The following PARP12 variants were observed in gnomAD, a reference collection of about 807,000 sequenced individuals.
The protein encoded by PARP12 is protein mono-ADP-ribosyltransferase PARP12.
PARP12 carries 59 observed loss-of-function variants against 72.4 expected under a neutral mutation model. The ratio of observed to expected loss-of-function variants is 0.81; its 90% CI spans 0.66 to 1.01. The LOEUF (loss-of-function observed/expected upper bound fraction) is 1.01, where lower values mean the gene tolerates loss of function less well. Ranked by LOEUF, PARP12 falls within the 50% of genes least tolerant of loss-of-function variation. PARP12 has a pLI of 0.00. For missense variants in PARP12, 851 were observed against 914.0 expected (o/e 0.93, Z 0.89); for synonymous variants, 403 against 371.4 (o/e 1.09, Z -0.98).
intron 11 of PARP12, chr7:140,025,304 C>T (rs1378887000): frequency 1.4e-5 from 4 of 291,464 alleles, no homozygotes; most frequent in Non-Finnish European, 2.7e-5. Context: ...TCTGGCAGCC[C>T]AATGTATAGA....
chr7:140,045,007 A>G (rs1054156544), intron 5 of PARP12, among the ~76,000 whole-genome samples: 5 of 152,078 alleles, frequency 3.3e-5, no homozygotes, highest in African/African-American at 1.2e-4. Flanking sequence ...TTATATCAGC[A>G]ATACATACAG....
intron 4 of PARP12, among the ~76,000 whole-genome samples, chr7:140,051,298 A>G (rs141029943): frequency 4.1e-4 from 63 of 152,350 alleles, no homozygotes; most frequent in African/African-American, 1.5e-3. Context: ...TAGTCCACCC[A>G]TAAAGAACCA....
chr7:140,024,456 T>C lies in PARP12; in HGVS notation c.*104A>G. On this transcript the variant is annotated 3_prime_UTR_variant, in exon 12 of 12. Transcript: ENST00000263549. ...CATAACTTCATTGAGAGGTCAATGT[T>C]AAGAGAACAGTTCATTAAAAGTTTC... The C allele has an allele frequency of 8.4e-7, 1 of 1,184,638 alleles. No homozygotes were observed. The highest frequency in any genetic ancestry group is 1.2e-6 in the Non-Finnish European group (1 of 814,240). 73.4% of individuals were successfully genotyped at this position (1,184,638 alleles called of 1,614,324 possible).
chr7:140,058,367 G>A lies in PARP12; in HGVS notation c.327-333C>T, dbSNP rs574096410. 1.2e-4 allele frequency among the ~76,000 whole-genome samples: 19 copies of A among 152,086 alleles called. No homozygotes were observed. In the South Asian group the frequency reaches 2.1e-3, roughly 17 times the overall value. On this transcript the variant is annotated intron_variant, in intron 1 of 11. Transcript: ENST00000263549. ...TCTACTAAAAATATAAAAAATTAGC[G>A]GGGCGTGGTGGTGAGCGCATGTAGT...
At chr7:140,043,873 A>T (rs776360471) in intron 5 of PARP12, among the ~76,000 whole-genome samples, 1 of 152,226 alleles carries the variant, frequency 6.6e-6, no homozygotes, top group Non-Finnish European at 1.5e-5. Context: ...AAATTTAAAA[A>T]TCATACTTCG....
At chr7:140,056,211 A>G (rs1267097839) in intron 3 of PARP12, among the ~76,000 whole-genome samples, 3 of 152,224 alleles carry the variant, frequency 2.0e-5, no homozygotes, top group African/African-American at 7.2e-5. Context: ...TCTCTGTTCA[A>G]AATCTGCCTG....
At chr7:140,037,323 C>CA (rs1220015078) in intron 7 of PARP12, among the ~76,000 whole-genome samples, 3 of 152,002 alleles carry the variant, frequency 2.0e-5, no homozygotes, top group South Asian at 2.1e-4. Flanking sequence ...GACTCCGTCT[C>CA]AAAAAAAAGA....
At position 140,026,180 on chromosome 7, in the gene PARP12, G is replaced by A. The variant is rs1390995554; in HGVS notation, c.1780+17C>T. The A allele has an allele frequency of 2.5e-6, 4 of 1,614,174 alleles. No homozygotes were observed. Among genetic ancestry groups the A allele is most frequent in the Admixed American group, 1.7e-5 (1 of 60,026 alleles). On this transcript the variant is annotated intron_variant, in intron 11 of 11. Transcript: ENST00000263549. The stretch of plus-strand genomic sequence containing the variant: ...AAGCAACATGGGTTTTGCTGGTGGA[G>A]GCCAGTCATGCCTTACCCTTGCCGT...
chr7:140,059,370 A>ACACG (rs1355041265), intron 1 of PARP12, among the ~76,000 whole-genome samples: 6 of 126,288 alleles, frequency 4.8e-5, no homozygotes, highest in African/African-American at 1.4e-4. Flanking sequence ...ATACACACAC[A>ACACG]CACACACACA....
chr7:140,028,877 T>G (rs1815835827), intron 8 of PARP12, 189 bp from the exon 9 acceptor site: 3 of 466,368 alleles, frequency 6.4e-6, no homozygotes, highest in South Asian at 6.2e-5. Context: ...TCTTTGCCTA[T>G]GTAGCCAAAC....
At chr7:140,042,820 GC>G (rs1378404953) in intron 5 of PARP12, among the ~76,000 whole-genome samples, 1 of 152,196 alleles carries the variant, frequency 6.6e-6, no homozygotes, top group Non-Finnish European at 1.5e-5. Context: ...AGAATTAGCT[GC>G]AAAGACCACC....
At chr7:140,055,188 T>C (rs571048333) in intron 3 of PARP12, among the ~76,000 whole-genome samples, 33 of 152,336 alleles carry the variant, frequency 2.2e-4, no homozygotes, top group African/African-American at 5.5e-4. Flanking sequence ...ATTCCTTCTA[T>C]GCCTAAGGTT....
At chr7:140,037,692 G>A (rs1285080439) in intron 7 of PARP12, 23 bp downstream of exon 7, 1 of 1,611,944 alleles carries the variant, frequency 6.2e-7, no homozygotes, top group East Asian at 2.2e-5. Flanking sequence ...GGCTCTGCTG[G>A]GCGAGGGCAG....
intron 4 of PARP12, among the ~76,000 whole-genome samples, chr7:140,053,024 AT>A (rs988834547): frequency 6.6e-6 from 1 of 152,228 alleles, no homozygotes; most frequent in Admixed American, 6.5e-5. Context: ...ATTATTATCT[AT>A]TTTGGAAGAC....
chr7:140,046,201 T>C (rs1816716490), intron 5 of PARP12, among the ~76,000 whole-genome samples: 1 of 152,242 alleles, frequency 6.6e-6, no homozygotes, highest in Non-Finnish European at 1.5e-5. Context: ...GTAATTGGTT[T>C]CACATACTTT....
intron 6 of PARP12, chr7:140,041,306 T>C (rs41275036): frequency 0.068 from 15,643 of 228,914 alleles, 930 homozygotes; most frequent in African/African-American, 0.19. Context: ...CTTGCACACA[T>C]AGGCACCAGC....
At chr7:140,039,060 AG>A (rs1816343125) in intron 6 of PARP12, among the ~76,000 whole-genome samples, 1 of 152,220 alleles carries the variant, frequency 6.6e-6, no homozygotes, top group South Asian at 2.1e-4. Context: ...TGGCCCCATG[AG>A]GACCATAAGG....
intron 8 of PARP12, chr7:140,033,986 G>C (rs1816043474): frequency 1.8e-6 from 2 of 1,104,086 alleles, no homozygotes; most frequent in South Asian, 6.3e-5. Context: ...TTCAGAGTCT[G>C]TCTTCTCCAG....
rs372248026 is a variant in PARP12 at position 140,028,698 on chromosome 7, T to G, written c.1422-10A>C. The G allele has an allele frequency of 6.3e-7, 1 of 1,592,926 alleles. No individual in the cohort carries two copies. The highest frequency in any genetic ancestry group is 8.6e-7 in the Non-Finnish European group (1 of 1,167,972). On this transcript the variant is annotated splice_polypyrimidine_tract_variant and intron_variant, in intron 8 of 11. Coordinates refer to ENST00000263549, the MANE Select transcript of PARP12 (RefSeq NM_022750.4). ...TGGAAACTTGGTATTGCTACAAAAA[T>G]GTAAACAAAAACACGTAGACATTTT...
Sources: gnomAD v4.1 joint callset for allele counts (sites outside exome capture counted in the v4.1 genomes callset) on GRCh38, gnomAD v4.1.1 for gene constraint, MANE v1.5 for transcripts, NCBI Gene and HGNC (gene_info 2026-07-23, HGNC 2026-07-21) for gene names.